Variants in DTWD2 observed in about 807,000 individuals in gnomAD.
DTWD2 encodes the protein tRNA-uridine aminocarboxypropyltransferase 2.
In DTWD2, 39 loss-of-function variants were observed where a neutral mutation model predicts 31.8. The ratio of observed to expected loss-of-function variants is 1.22; its 90% CI spans 0.95 to 1.60. The LOEUF (loss-of-function observed/expected upper bound fraction) is 1.60. DTWD2 is among the 40% of genes most tolerant of loss of function. The pLI, the probability that DTWD2 is intolerant of heterozygous loss-of-function variation, is 0.00. For synonymous variants in DTWD2, 180 were observed against 142.8 expected, an observed-to-expected ratio of 1.26 and a Z score of -1.86; for missense variants, 515 against 381.5, an observed-to-expected ratio of 1.35 and a Z score of -2.92.
chr5:118,840,811 T>C lies in DTWD2; in HGVS notation c.*106A>G. The C allele has an allele frequency of 1.9e-6, 2 of 1,048,974 alleles. No homozygotes were observed. Among genetic ancestry groups the C allele is most frequent in the East Asian group, 2.7e-5 (1 of 37,400 alleles). 65.0% of individuals were successfully genotyped at this position (1,048,974 alleles called of 1,614,324 possible). On this transcript the variant is annotated 3_prime_UTR_variant, in exon 6 of 6. Transcript: ENST00000510708. The stretch of plus-strand genomic sequence containing the variant: ...CTTCTGGGTAAGATTAGTATGCAAT[T>C]CTCCTTCTTTAGCAAGTCAAAAACC...
chr5:118,974,850 C>A (rs1038166283), intron 1 of DTWD2, among the ~76,000 whole-genome samples: 4 of 152,214 alleles, frequency 2.6e-5, no homozygotes, highest in South Asian at 4.2e-4. Flanking sequence ...TGAATATTGG[C>A]CCCCACTCTC....
intron 5 of DTWD2, among the ~76,000 whole-genome samples, chr5:118,841,331 T>A (rs980813772): frequency 6.6e-6 from 1 of 152,198 alleles, no homozygotes; most frequent in African/African-American, 2.4e-5. Context: ...ATTTTCCACA[T>A]AGGTAATAAA....
At chr5:118,885,542 G>A (rs1752844143) in intron 4 of DTWD2, among the ~76,000 whole-genome samples, 1 of 151,314 alleles carries the variant, frequency 6.6e-6, no homozygotes, top group African/African-American at 2.4e-5. Context: ...GAGGTGGGCG[G>A]ATCACCTGAA....
At chr5:118,884,197 T>G (rs541569950) in intron 4 of DTWD2, among the ~76,000 whole-genome samples, 43 of 152,330 alleles carry the variant, frequency 2.8e-4, no homozygotes, top group African/African-American at 9.9e-4. Flanking sequence ...CACTAACAGA[T>G]CTGTGCTTTT....
At chr5:118,870,455 G>A (rs1232494390) in intron 4 of DTWD2, among the ~76,000 whole-genome samples, 1 of 152,120 alleles carries the variant, frequency 6.6e-6, no homozygotes, top group Admixed American at 6.5e-5. Flanking sequence ...CCAGACAATG[G>A]CAATGAAGCA....
intron 4 of DTWD2, among the ~76,000 whole-genome samples, chr5:118,856,204 C>A (rs822748): frequency 0.012 from 1,768 of 152,158 alleles, 43 homozygotes; most frequent in African/African-American, 0.041. Context: ...TTTTTGGTAT[C>A]CTAAATAAGA....
chr5:118,875,538 GGTAGGGGTTGCAATCCTA>G (rs1752600552), intron 4 of DTWD2, among the ~76,000 whole-genome samples: 3 of 121,566 alleles, frequency 2.5e-5, no homozygotes, highest in South Asian at 5.4e-4. Context: ...ATAGAAAAAA[GGTAGGGGTTGCAATCCTA>G]GTTTCTGAAA....
intron 4 of DTWD2, among the ~76,000 whole-genome samples, chr5:118,873,736 A>C (rs1561435920): frequency 6.6e-6 from 1 of 152,154 alleles, no homozygotes; most frequent in Non-Finnish European, 1.5e-5. Context: ...AGAACAAGGA[A>C]TCCTCCCACA....
At chr5:118,907,365 A>T (rs1329479944) in intron 4 of DTWD2, among the ~76,000 whole-genome samples, 1 of 152,084 alleles carries the variant, frequency 6.6e-6, no homozygotes, top group Non-Finnish European at 1.5e-5. Flanking sequence ...AGAGAAAGAG[A>T]TTTCTTATAA....
rs1755485762 is a variant in DTWD2, at chr5:118,988,402, A to C, written c.110T>G (p.Val37Gly). 6.3e-7 allele frequency: 1 copy of C among 1,598,206 alleles called. No homozygotes were observed. The highest frequency in any genetic ancestry group is 8.5e-7 in the Non-Finnish European group (1 of 1,174,684). ...NDKERREGGA[V>G]PAAAALGAEA... ...TGCGCCCAGGGCAGCCGCCGCCGGC[A>C]CTGCGCCGCCCTCCCGCCGCTCCTT... Residue 37 changes from valine to glycine, a missense_variant, in exon 1 of 6, where the codon GTG becomes GGG. Coordinates refer to ENST00000510708, the MANE Select transcript of DTWD2 (RefSeq NM_173666.4).
At chr5:118,854,144 A>C (rs1190812828) in intron 4 of DTWD2, among the ~76,000 whole-genome samples, 2 of 152,122 alleles carry the variant, frequency 1.3e-5, no homozygotes, top group African/African-American at 4.8e-5. Context: ...AAATTTAGAC[A>C]TTTTTTCACA....
At chr5:118,856,867 G>C (rs980249319) in intron 4 of DTWD2, among the ~76,000 whole-genome samples, 1 of 144,184 alleles carries the variant, frequency 6.9e-6, no homozygotes, top group East Asian at 2.0e-4. Context: ...CTGCCTCCTG[G>C]GCTCAAGGGA....
chr5:118,963,501 C>T (rs1203790943), intron 1 of DTWD2, among the ~76,000 whole-genome samples: 1 of 152,186 alleles, frequency 6.6e-6, no homozygotes. Context: ...TTGGATGTTA[C>T]ACAAAAGATT....
intron 3 of DTWD2, among the ~76,000 whole-genome samples, chr5:118,932,036 G>A (rs1753935017): frequency 6.6e-6 from 1 of 152,104 alleles, no homozygotes. Context: ...AAACGAAAAT[G>A]AAAATACAAC....
At chr5:118,866,591 T>G (rs565713930) in intron 4 of DTWD2, among the ~76,000 whole-genome samples, 1 of 152,304 alleles carries the variant, frequency 6.6e-6, no homozygotes, top group East Asian at 1.9e-4. Flanking sequence ...GGAAGAATTT[T>G]ATGTTTTAAA....
At chr5:118,929,355 C>G (rs1201815819) in intron 3 of DTWD2, among the ~76,000 whole-genome samples, 1 of 152,218 alleles carries the variant, frequency 6.6e-6, no homozygotes, top group African/African-American at 2.4e-5. Context: ...TGAGTCTTGG[C>G]CAATCCCAGT....
intron 3 of DTWD2, among the ~76,000 whole-genome samples, chr5:118,931,224 T>C (rs1431478637): frequency 6.6e-6 from 1 of 151,634 alleles, no homozygotes; most frequent in African/African-American, 2.4e-5. Context: ...GAGACTCCCA[T>C]CTCTCCAAAA....
chr5:118,871,622 G>C (rs1208267298), intron 4 of DTWD2, among the ~76,000 whole-genome samples: 1 of 152,108 alleles, frequency 6.6e-6, no homozygotes, highest in Non-Finnish European at 1.5e-5. Flanking sequence ...CTTTTTCTCT[G>C]AGCAATAGGT....
chr5:118,988,462 G>C lies in DTWD2; in HGVS notation c.50C>G (p.Pro17Arg), dbSNP rs780370249. ...CGTCTGAGAGCTTGAGGCCCCAGAAGGCCGCGCAACGGGCTCCTGGAGTGT... is the reference window on the plus strand; with the variant it reads ...CGTCTGAGAGCTTGAGGCCCCAGAACGCCGCGCAACGGGCTCCTGGAGTGT... ...ARTLQEPVAR[P>R]SGASSSQTPN... The change falls in exon 1 of 6, where the codon CCT becomes CGT. Residue 17 changes from proline to arginine, a missense_variant. Physicochemically the swap from Pro to Arg is moderately radical, Grantham distance 103 (BLOSUM62 -2). Transcript: ENST00000510708. 1 of 1,606,010 alleles carries C rather than the reference G, an allele frequency of 6.2e-7. No homozygotes were observed. The highest frequency in any genetic ancestry group is 1.1e-5 in the South Asian group (1 of 90,446).
Sources: gnomAD v4.1 joint callset for allele counts (sites outside exome capture counted in the v4.1 genomes callset) on GRCh38, gnomAD v4.1.1 for gene constraint, MANE v1.5 for transcripts, NCBI Gene and HGNC (gene_info 2026-07-23, HGNC 2026-07-21) for gene names.